The following RBFOX3 variants were observed in gnomAD, a reference collection of about 807,000 sequenced individuals.
The protein encoded by RBFOX3 is RNA binding protein fox-1 homolog 3.
Under a neutral mutation model 48.7 loss-of-function variants are expected in RBFOX3, and 17 were observed. The ratio of observed to expected loss-of-function variants is 0.35; its 90% CI spans 0.24 to 0.52. The LOEUF (loss-of-function observed/expected upper bound fraction) is 0.52, where lower values mean the gene tolerates loss of function less well. RBFOX3 is among the 20% of genes least tolerant of loss of function. RBFOX3 has a pLI of 0.94. For missense variants in RBFOX3, 382 were observed against 497.5 expected (o/e 0.77, Z 2.21); for synonymous variants, 212 against 209.5 (o/e 1.01, Z -0.10).
chr17:79,114,975 T>C (rs545541811), intron 5 of RBFOX3, among the ~76,000 whole-genome samples: 2 of 152,278 alleles, frequency 1.3e-5, no homozygotes, highest in East Asian at 1.9e-4. Context: ...AACCACATAA[T>C]TGAAGCTATC....
intron 4 of RBFOX3, among the ~76,000 whole-genome samples, chr17:79,185,999 T>C (rs2053320149): frequency 6.6e-6 from 1 of 152,208 alleles, no homozygotes. Context: ...ATCTGGGGTG[T>C]GGCCAGGGAA....
chr17:79,225,467 T>C (rs888594480), intron 4 of RBFOX3, among the ~76,000 whole-genome samples: 1 of 152,132 alleles, frequency 6.6e-6, no homozygotes, highest in South Asian at 2.1e-4. Context: ...ATTTTAGTAT[T>C]TTTAGTAGAG....
chr17:79,131,705 G>A (rs75374034), intron 4 of RBFOX3, among the ~76,000 whole-genome samples: 3,358 of 152,312 alleles, frequency 0.022, 160 homozygotes, highest in East Asian at 0.21. Context: ...ATTATTGGAA[G>A]AAGGGGTCAG....
chr17:79,147,621 G>A (rs1244957576), intron 4 of RBFOX3, among the ~76,000 whole-genome samples: 1 of 152,214 alleles, frequency 6.6e-6, no homozygotes, highest in Non-Finnish European at 1.5e-5. Context: ...CCTTGGCAAA[G>A]CCCAAAGCAG....
At chr17:79,349,884 A>T (rs575799954) in intron 2 of RBFOX3, among the ~76,000 whole-genome samples, 1 of 151,530 alleles carries the variant, frequency 6.6e-6, no homozygotes, top group Non-Finnish European at 1.5e-5. Flanking sequence ...AGGCACGGCC[A>T]TGATCACCAG....
chr17:79,472,901 TTTTG>T (rs1221111709), intron 2 of RBFOX3, among the ~76,000 whole-genome samples: 1 of 152,188 alleles, frequency 6.6e-6, no homozygotes, highest in Admixed American at 6.5e-5. Context: ...GGACCTACAT[TTTTG>T]TTTCTTTGTT....
chr17:79,438,387 G>A (rs1420806554), intron 2 of RBFOX3, among the ~76,000 whole-genome samples: 1 of 152,202 alleles, frequency 6.6e-6, no homozygotes, highest in African/African-American at 2.4e-5. Flanking sequence ...GATCAAGGAG[G>A]ATCTGTAAGC....
chr17:79,202,973 G>A (rs555579575), intron 4 of RBFOX3, among the ~76,000 whole-genome samples: 1 of 152,026 alleles, frequency 6.6e-6, no homozygotes, highest in South Asian at 2.1e-4. Flanking sequence ...CGCACCCTTG[G>A]ATTCCTTCTC....
chr17:79,255,689 C>T (rs947078787), intron 3 of RBFOX3, among the ~76,000 whole-genome samples: 1 of 152,064 alleles, frequency 6.6e-6, no homozygotes, highest in Non-Finnish European at 1.5e-5. Flanking sequence ...AGCAGCAGCA[C>T]TGGGCCTGGC....
chr17:79,223,374 C>A (rs1254757096), intron 4 of RBFOX3, among the ~76,000 whole-genome samples: 2 of 152,238 alleles, frequency 1.3e-5, no homozygotes, highest in African/African-American at 2.4e-5. Context: ...TATCCACCCC[C>A]CTCACAAACA....
intron 2 of RBFOX3, among the ~76,000 whole-genome samples, chr17:79,380,787 T>G (rs1249348472): frequency 2.6e-5 from 4 of 152,184 alleles, no homozygotes; most frequent in African/African-American, 9.6e-5. Context: ...CCACCACACT[T>G]TCTAAACACC....
intron 4 of RBFOX3, among the ~76,000 whole-genome samples, chr17:79,167,921 G>A (rs1425979795): frequency 6.6e-6 from 1 of 152,212 alleles, no homozygotes; most frequent in African/African-American, 2.4e-5. Flanking sequence ...TCCGAGGAGG[G>A]GGCAGGACAA....
chr17:79,185,919 C>G (rs1361110653), intron 4 of RBFOX3, among the ~76,000 whole-genome samples: 1 of 152,216 alleles, frequency 6.6e-6, no homozygotes, highest in Non-Finnish European at 1.5e-5. Flanking sequence ...TGGGGGAAAC[C>G]AAGCTTGTAA....
chr17:79,541,855 C>G (rs532696915), intron 1 of RBFOX3, among the ~76,000 whole-genome samples: 1 of 152,086 alleles, frequency 6.6e-6, no homozygotes, highest in East Asian at 1.9e-4. Flanking sequence ...AGGGCCCTCA[C>G]GTTTGATGGC....
chr17:79,636,929 T>G, the RBFOX3 span, among the ~76,000 whole-genome samples: 1 of 152,226 alleles, frequency 6.6e-6, no homozygotes. Context: ...AGACTCGTTT[T>G]AGCTTTAAGG....
intron 1 of RBFOX3, among the ~76,000 whole-genome samples, chr17:79,577,867 C>T (rs996947830): frequency 3.9e-5 from 6 of 152,336 alleles, no homozygotes; most frequent in South Asian, 2.1e-4. Context: ...GTGAAAAGCT[C>T]GGCAATGCCA....
intron 1 of RBFOX3, among the ~76,000 whole-genome samples, chr17:79,543,712 T>C (rs1487191034): frequency 3.3e-5 from 5 of 152,214 alleles, no homozygotes; most frequent in Admixed American, 2.0e-4. Flanking sequence ...CCCCGCGGTC[T>C]TAGGTACAAA....
intron 2 of RBFOX3, among the ~76,000 whole-genome samples, chr17:79,439,209 A>C (rs2070281084): frequency 6.6e-6 from 1 of 152,158 alleles, no homozygotes; most frequent in African/African-American, 2.4e-5. Context: ...TGGGGCCGAG[A>C]TGAGCTGGGG....
At chr17:79,150,587 T>A (rs4074991) in intron 4 of RBFOX3, among the ~76,000 whole-genome samples, 1 of 151,716 alleles carries the variant, frequency 6.6e-6, no homozygotes, top group African/African-American at 2.4e-5. Flanking sequence ...CAATGGGAGG[T>A]GCAGGGCCAC....
Sources: gnomAD v4.1 joint callset for allele counts (sites outside exome capture counted in the v4.1 genomes callset) on GRCh38, gnomAD v4.1.1 for gene constraint, MANE v1.5 for transcripts, NCBI Gene and HGNC (gene_info 2026-07-23, HGNC 2026-07-21) for gene names.